Variants in SERPINA12 observed in about 807,000 individuals in gnomAD.
SERPINA12 encodes the protein serpin family A member 12, also known as serpin A12.
Under a neutral mutation model 25.9 loss-of-function variants are expected in SERPINA12, and 21 were observed. That is an observed-to-expected ratio of 0.81 (90% CI 0.58 to 1.17). SERPINA12 has a LOEUF of 1.17. Ranked by LOEUF, SERPINA12 falls within the 50% of genes most tolerant of loss-of-function variation. The probability of loss-of-function intolerance (pLI) is 0.00; values close to 1 mark genes in which losing one functional copy is unlikely to be tolerated. For synonymous variants in SERPINA12, 220 were observed against 196.0 expected, an observed-to-expected ratio of 1.12 and a Z score of -1.02; for missense variants, 562 against 508.3, an observed-to-expected ratio of 1.11 and a Z score of -1.02.
chr14:94,499,471 T>A (rs1900621108), intron 1 of SERPINA12, among the ~76,000 whole-genome samples: 1 of 152,258 alleles, frequency 6.6e-6, no homozygotes, highest in Non-Finnish European at 1.5e-5. Flanking sequence ...TATTGATTTC[T>A]CTGGTTGGAC....
At chr14:94,489,133 AAG>A (rs368739327) in intron 4 of SERPINA12, among the ~76,000 whole-genome samples, 269 of 145,128 alleles carry the variant, frequency 1.9e-3, no homozygotes, top group African/African-American at 2.4e-3. Flanking sequence ...GGAAGGAAGG[AAG>A]AGAGAGAGAG....
chr14:94,513,557 G>A (rs1465811785), upstream of SERPINA12, among the ~76,000 whole-genome samples: 1 of 152,150 alleles, frequency 6.6e-6, no homozygotes, highest in African/African-American at 2.4e-5. Flanking sequence ...TAAAACTGAG[G>A]AAATGTTTGA....
rs574901143 is a variant in SERPINA12 at position 94,500,130 on chromosome 14, C to T, written c.-33-1700G>A. 7.2e-5 allele frequency among the ~76,000 whole-genome samples: 11 copies of T among 152,294 alleles called. 1 individual carries two copies. The South Asian group carries it at 2.1e-3, about 29-fold the overall frequency. ...GAGTGTCCCCAGTTCCCAGGTTCTT[C>T]ATGTCCAAATCCTTCTACGCCAAGC... On this transcript the variant is annotated intron_variant, in intron 1 of 4. Transcript: ENST00000677451.
At chr14:94,498,516 G>A (rs777696487) in intron 1 of SERPINA12, 86 bp from the exon 2 acceptor site, 17 of 1,102,486 alleles carry the variant, frequency 1.5e-5, no homozygotes, top group Non-Finnish European at 2.2e-5. Flanking sequence ...GAAATACAGT[G>A]ACTATTATGT....
Position 94,496,503 on chromosome 14 carries a change from T to G in SERPINA12, c.775A>C (p.Ile259Leu), listed in dbSNP as rs201400041. 2.4e-5 allele frequency: 38 copies of G among 1,614,002 alleles called. No homozygotes were observed. Among genetic ancestry groups the G allele is most frequent in the Non-Finnish European group, 3.1e-5 (37 of 1,180,024 alleles). The change falls in exon 3 of 5, where the codon ATC (isoleucine) becomes CTC (leucine). Residue 259 changes from isoleucine to leucine, a missense_variant. Transcript: ENST00000677451. ...TTTTTCTGGTAGGGTATTTCCAGGA[T>G]GGTGCAAGAGAGCTTATCGTCATAG... ...VGYDDKLSCT[I>L]LEIPYQKNIT...
chr14:94,492,071 T>A (rs1900199733), intron 3 of SERPINA12, among the ~76,000 whole-genome samples: 2 of 151,772 alleles, frequency 1.3e-5, no homozygotes, highest in African/African-American at 4.8e-5. Flanking sequence ...TGGGAGGTGA[T>A]GTGAGAGTGG....
upstream of SERPINA12, chr14:94,510,185 A>G (rs893859013): frequency 2.0e-6 from 2 of 985,334 alleles, no homozygotes; most frequent in Non-Finnish European, 2.4e-6. Flanking sequence ...AGGAGACTGC[A>G]TTGGATCTGT....
chr14:94,507,717 ACT>A (rs1357786199), intron 1 of SERPINA12, among the ~76,000 whole-genome samples: 15 of 152,102 alleles, frequency 9.9e-5, no homozygotes, highest in Non-Finnish European at 1.9e-4. Flanking sequence ...AGCAAGTGGA[ACT>A]CTCTTATATT....
At chr14:94,506,805 A>G (rs1900944234) in intron 1 of SERPINA12, among the ~76,000 whole-genome samples, 2 of 152,234 alleles carry the variant, frequency 1.3e-5, no homozygotes, top group Admixed American at 1.3e-4. Context: ...ACTTCTCTCC[A>G]GGGGATTTAA....
At chr14:94,507,406 A>T (rs1900968866) in intron 1 of SERPINA12, among the ~76,000 whole-genome samples, 1 of 152,218 alleles carries the variant, frequency 6.6e-6, no homozygotes, top group Non-Finnish European at 1.5e-5. Flanking sequence ...ATTACCTAGG[A>T]CAGTACAAAG....
upstream of SERPINA12, among the ~76,000 whole-genome samples, chr14:94,509,653 A>C (rs965295099): frequency 3.9e-5 from 6 of 152,180 alleles, no homozygotes; most frequent in African/African-American, 1.4e-4. Context: ...CTTGGGAAAG[A>C]TCAGGCCTAC....
At chr14:94,493,004 G>A (rs1900241875) in intron 3 of SERPINA12, among the ~76,000 whole-genome samples, 1 of 152,224 alleles carries the variant, frequency 6.6e-6, no homozygotes, top group South Asian at 2.1e-4. Flanking sequence ...ACACATGTAA[G>A]TTGGTGTGTG....
chr14:94,489,332 C>A (rs575656606), intron 4 of SERPINA12, among the ~76,000 whole-genome samples: 1 of 152,236 alleles, frequency 6.6e-6, no homozygotes, highest in East Asian at 1.9e-4. Flanking sequence ...TGGGTTAGAC[C>A]TAGACCAGTT....
At chr14:94,500,544 G>C (rs1011397853) in intron 1 of SERPINA12, among the ~76,000 whole-genome samples, 3 of 152,178 alleles carry the variant, frequency 2.0e-5, no homozygotes, top group Non-Finnish European at 4.4e-5. Context: ...TCCTTGTTTA[G>C]GGAGGGGCAT....
chr14:94,516,265 A>T (rs1901230458), intron 1 of SERPINA12: 1 of 152,742 alleles, frequency 6.5e-6, no homozygotes, highest in Non-Finnish European at 1.5e-5. Context: ...TGGTCAGCCC[A>T]GAACCTCTGC....
rs936366436 is a variant in SERPINA12 at position 94,501,103 on chromosome 14, G to A, written c.-33-2673C>T. 22 of 985,270 alleles carry A rather than the reference G, an allele frequency of 2.2e-5. No individual in the cohort carries two copies. The African/African-American group carries it at 3.1e-4, about 14-fold the overall frequency. 61.0% of individuals were successfully genotyped at this position (985,270 alleles called of 1,614,324 possible). A position where few individuals can be genotyped will look rare whatever the true frequency, so the allele number is the denominator to read the frequency against. ...AAAACAGATTGTAGAAGAGAAATTA[G>A]TAAAATTCCCAAGAATGCTTCAGAT... is the stretch of plus-strand genomic sequence containing the variant. On this transcript the variant is annotated intron_variant, in intron 1 of 4. Coordinates refer to ENST00000677451, the MANE Select transcript of SERPINA12 (RefSeq NM_001382267.1).
Position 94,498,501 on chromosome 14 carries a change from A to G in SERPINA12, c.-33-71T>C, listed in dbSNP as rs573483852. The G allele has an allele frequency of 2.1e-5, 26 of 1,244,158 alleles. No individual in the cohort carries two copies. In the South Asian group the frequency reaches 3.6e-4, roughly 17 times the overall value. The allele number at this position is 1,244,158 out of a possible 1,614,324, so 77.1% of individuals were successfully genotyped here. A position where few individuals can be genotyped will look rare whatever the true frequency, so the allele number is the denominator to read the frequency against. ...TGTTACCCAGAGGAAGACCAGATGA[A>G]AGAAGAAATACAGTGACTATTATGT... is the stretch of plus-strand genomic sequence containing the variant. On this transcript the variant is annotated intron_variant, in intron 1 of 4. Transcript: ENST00000677451.
chr14:94,503,658 T>A (rs1422558359), intron 1 of SERPINA12, among the ~76,000 whole-genome samples: 3 of 152,208 alleles, frequency 2.0e-5, no homozygotes. Context: ...AGGAAGAGAT[T>A]GTGGTTGCAG....
rs192558870 is a variant in SERPINA12, at chr14:94,496,622, T to C, written c.656A>G (p.Asp219Gly). Residue 219 changes from aspartate to glycine, a missense_variant, in exon 3 of 5, where the codon GAT becomes GGT. Physicochemically the swap from Asp to Gly is moderately conservative, Grantham distance 94. Coordinates refer to ENST00000677451, the MANE Select transcript of SERPINA12 (RefSeq NM_001382267.1). ...FFRARWKHEF[D>G]PNVTKEEDFF... ...ATCTTCCTCTTTAGTTACATTTGGATCAAACTCATGTTTCCACCTGGCTTA... is the reference window on the plus strand; with the variant it reads ...ATCTTCCTCTTTAGTTACATTTGGACCAAACTCATGTTTCCACCTGGCTTA... 167 of 1,614,024 alleles carry C rather than the reference T, an allele frequency of 1.0e-4. No homozygotes were observed. The East Asian group carries it at 2.8e-3, about 27-fold the overall frequency.
Sources: allele counts gnomAD v4.1 joint callset (sites outside exome capture counted in the v4.1 genomes callset), GRCh38; gene constraint gnomAD v4.1.1; transcripts MANE v1.5; gene names NCBI Gene and HGNC (gene_info 2026-07-23, HGNC 2026-07-21).